KIRREL3: variants seen among roughly 807,000 people sequenced by gnomAD.
KIRREL3 encodes kin of IRRE-like protein 3.
In KIRREL3, 36 loss-of-function variants were observed where a neutral mutation model predicts 89.7. That is an observed-to-expected ratio of 0.40 (90% CI 0.31 to 0.53). The LOEUF is 0.53. KIRREL3 is among the 20% of genes least tolerant of loss of function. The pLI, the probability that KIRREL3 is intolerant of heterozygous loss-of-function variation, is 0.49. For synonymous variants in KIRREL3, 445 were observed against 441.4 expected (o/e 1.01, Z -0.10); for missense variants, 864 against 1,056.6 (o/e 0.82, Z 2.53).
chr11:126,930,104 TA>T (rs34362615), intron 1 of KIRREL3, among the ~76,000 whole-genome samples: 29,373 of 147,588 alleles, frequency 0.2, 3,077 homozygotes, highest in East Asian at 0.41. Context: ...TTTGTGTGCT[TA>T]AAAAAAAAAA....
chr11:126,767,263 G>A (rs1018169141), intron 1 of KIRREL3, among the ~76,000 whole-genome samples: 2 of 152,204 alleles, frequency 1.3e-5, no homozygotes, highest in South Asian at 4.1e-4. Context: ...AAGGCGGAGG[G>A]TGTTTTCTAC....
At chr11:126,468,027 G>C (rs1246425243) in intron 5 of KIRREL3, among the ~76,000 whole-genome samples, 1 of 152,182 alleles carries the variant, frequency 6.6e-6, no homozygotes, top group Admixed American at 6.5e-5. Flanking sequence ...AGTGGTCCTG[G>C]TGGTAGGGGT....
At chr11:126,481,982 G>A (rs1322307595) in intron 4 of KIRREL3, among the ~76,000 whole-genome samples, 1 of 152,192 alleles carries the variant, frequency 6.6e-6, no homozygotes, top group African/African-American at 2.4e-5. Flanking sequence ...GTGGATAAGA[G>A]CCACCTGCAT....
At chr11:126,649,029 G>C (rs1340660197) in intron 1 of KIRREL3, among the ~76,000 whole-genome samples, 1 of 152,138 alleles carries the variant, frequency 6.6e-6, no homozygotes, top group African/African-American at 2.4e-5. Context: ...GAGGTGAAAG[G>C]CACTTCTTAA....
chr11:126,638,738 G>C (rs1344830929), intron 1 of KIRREL3, among the ~76,000 whole-genome samples: 2 of 152,136 alleles, frequency 1.3e-5, no homozygotes, highest in Non-Finnish European at 2.9e-5. Flanking sequence ...CCCAGCTTGA[G>C]GGCTTGAAAT....
Position 126,498,379 on chromosome 11 carries a change from C to T in KIRREL3, c.433+22936G>A, listed in dbSNP as rs1015432337. 3.3e-5 allele frequency among the ~76,000 whole-genome samples: 5 copies of T among 152,160 alleles called. No individual in the cohort carries two copies. The highest frequency in any genetic ancestry group is 3.3e-4 in the Admixed American group (5 of 15,284). ...TAAACAGCAGCCTCTCTTTAATAAG[C>T]CAGGCTCTTCCCCCCGACCCTGCGA... On this transcript the variant is annotated intron_variant, in intron 4 of 16. Transcript: ENST00000525144. The surrounding 1 kb of genome is among the most constrained non-coding windows in gnomAD (Gnocchi z 4.3).
In KIRREL3 at chr11:126,498,841, C is replaced by A. The variant is rs989735729; in HGVS notation, c.433+22474G>T. On this transcript the variant is annotated intron_variant, in intron 4 of 16. Coordinates refer to ENST00000525144, the MANE Select transcript of KIRREL3 (RefSeq NM_032531.4). This position sits in a 1 kb window ranked among gnomAD's most constrained non-coding sequence, Gnocchi z 4.3. ...ATGCCAGTTCTTCACAGGCTCAGGA[C>A]CTCGACGCACGGAAACTTCTGGATC... Among the ~76,000 whole-genome samples the A allele has an allele frequency of 6.6e-6, 1 of 152,204 alleles. No homozygotes were observed. Among genetic ancestry groups the A allele is most frequent in the Admixed American group, 6.5e-5 (1 of 15,292 alleles).
chr11:126,556,577 A>G (rs184620563), intron 2 of KIRREL3, among the ~76,000 whole-genome samples: 43 of 152,282 alleles, frequency 2.8e-4, no homozygotes, highest in Admixed American at 5.9e-4. Context: ...ATTGGAGGCT[A>G]TAGTGAGCCA....
At chr11:126,833,531 G>A (rs144169689) in intron 1 of KIRREL3, among the ~76,000 whole-genome samples, 1 of 152,324 alleles carries the variant, frequency 6.6e-6, no homozygotes, top group East Asian at 1.9e-4. Flanking sequence ...AATATCAGCA[G>A]CCCTCCCTTT....
rs1449230350 is a variant in KIRREL3 at position 126,476,683 on chromosome 11, G to C, written c.434-3217C>G. 6.6e-6 allele frequency among the ~76,000 whole-genome samples: 1 copy of C among 151,530 alleles called. No individual in the cohort carries two copies. The highest frequency in any genetic ancestry group is 6.6e-5 in the Admixed American group (1 of 15,220). On this transcript the variant is annotated intron_variant, in intron 4 of 16. Coordinates refer to ENST00000525144, the MANE Select transcript of KIRREL3 (RefSeq NM_032531.4). This position sits in a 1 kb window ranked among gnomAD's most constrained non-coding sequence, Gnocchi z 6.4. ...GGGGGCTGGGGGGGGGTGGGGGTTG[G>C]TGAGGATGGAGGATGTTTGGGGGCC...
intron 1 of KIRREL3, among the ~76,000 whole-genome samples, chr11:126,825,808 A>T (rs751629756): frequency 6.6e-5 from 10 of 152,200 alleles, no homozygotes; most frequent in African/African-American, 1.2e-4. Context: ...TTTCACAGAT[A>T]AAAAAACTGG....
chr11:126,543,551 G>A (rs1938540314), intron 2 of KIRREL3, among the ~76,000 whole-genome samples: 1 of 152,144 alleles, frequency 6.6e-6, no homozygotes, highest in Admixed American at 6.5e-5. Flanking sequence ...GGTCAGCAGA[G>A]GGTGTTTGAT....
chr11:126,703,388 C>T lies in KIRREL3; in HGVS notation c.56-140476G>A, dbSNP rs1203247256. Among the ~76,000 whole-genome samples the T allele has an allele frequency of 6.6e-6, 1 of 152,262 alleles. No homozygotes were observed. Among genetic ancestry groups the T allele is most frequent in the African/African-American group, 2.4e-5 (1 of 41,468 alleles). On this transcript the variant is annotated intron_variant, in intron 1 of 16. Transcript: ENST00000525144. The surrounding 1 kb of genome is among the most constrained non-coding windows in gnomAD (Gnocchi z 4.6). ...ACAGAATCATCGTCTTCATCACCATCAGCAGGAGCAGTGACTTTACCAATG... is the reference window on the plus strand; with the variant it reads ...ACAGAATCATCGTCTTCATCACCATTAGCAGGAGCAGTGACTTTACCAATG...
intron 7 of KIRREL3, among the ~76,000 whole-genome samples, chr11:126,451,078 TGCGTGTGTGC>T (rs1332421309): frequency 1.4e-5 from 2 of 145,316 alleles, no homozygotes; most frequent in African/African-American, 2.5e-5. Context: ...TGCATGTGTG[TGCGTGTGTGC>T]ATATGTGTCC....
chr11:126,984,455 T>C (rs1367862362), intron 1 of KIRREL3, among the ~76,000 whole-genome samples: 1 of 152,148 alleles, frequency 6.6e-6, no homozygotes, highest in African/African-American at 2.4e-5. Context: ...GGACACTTCA[T>C]GGCAGATGCA....
chr11:126,966,134 A>G (rs1281960207), intron 1 of KIRREL3, among the ~76,000 whole-genome samples: 1 of 152,138 alleles, frequency 6.6e-6, no homozygotes, highest in African/African-American at 2.4e-5. Flanking sequence ...TTTATCCTGC[A>G]ATAGGATTTT....
chr11:126,799,493 A>ATGT (rs1950964208), intron 1 of KIRREL3, among the ~76,000 whole-genome samples: 1 of 870 alleles, frequency 1.1e-3, no homozygotes. Flanking sequence ...CATGTGTGTC[A>ATGT]GCTATCCCCC....
chr11:126,620,188 T>A lies in KIRREL3; in HGVS notation c.56-57276A>T, dbSNP rs1309989531. On this transcript the variant is annotated intron_variant, in intron 1 of 16. Transcript: ENST00000525144. This position sits in a 1 kb window ranked among gnomAD's most constrained non-coding sequence, Gnocchi z 4.8. ...AAGGCTACTTTCTTCCTTCTTAAAA[T>A]TTTTCCAATCAGCTATTATAGTTCC... Among the ~76,000 whole-genome samples, 2 of 99,868 alleles carry A rather than the reference T, an allele frequency of 2.0e-5. No homozygotes were observed. Among genetic ancestry groups the A allele is most frequent in the African/African-American group, 6.7e-5 (2 of 29,974 alleles). 65.5% of individuals were successfully genotyped at this position (99,868 alleles called of 152,430 possible).
At chr11:126,572,613 G>T (rs1323692556) in intron 1 of KIRREL3, among the ~76,000 whole-genome samples, 1 of 152,058 alleles carries the variant, frequency 6.6e-6, no homozygotes, top group Non-Finnish European at 1.5e-5. Flanking sequence ...GGAGTCACAG[G>T]CATCACTGTC....
Sources: gnomAD v4.1 joint callset for allele counts (sites outside exome capture counted in the v4.1 genomes callset) on GRCh38, gnomAD v4.1.1 for gene constraint, Gnocchi (gnomAD v3.1) non-coding constraint, MANE v1.5 for transcripts, NCBI Gene and HGNC (gene_info 2026-07-23, HGNC 2026-07-21) for gene names.